HIVEP3: variants seen among roughly 807,000 people sequenced by gnomAD.
HIVEP3 encodes the protein HIVEP zinc finger 3, also known as transcription factor HIVEP3.
HIVEP3 carries 49 observed loss-of-function variants against 152.8 expected under a neutral mutation model. The ratio of observed to expected loss-of-function variants is 0.32; its 90% CI spans 0.26 to 0.41. The LOEUF (loss-of-function observed/expected upper bound fraction) is 0.41, where lower values mean the gene tolerates loss of function less well. Ranked by LOEUF, HIVEP3 falls within the 10% of genes least tolerant of loss-of-function variation. The probability of loss-of-function intolerance (pLI) is 1.00; values close to 1 mark genes in which losing one functional copy is unlikely to be tolerated. For missense variants in HIVEP3, 2,790 were observed against 3,103.3 expected (o/e 0.90, Z 2.40); for synonymous variants, 1,269 against 1,289.0 (o/e 0.98, Z 0.33).
At chr1:41,786,995 G>A (rs370243329) in intron 1 of HIVEP3, among the ~76,000 whole-genome samples, 4 of 151,812 alleles carry the variant, frequency 2.6e-5, no homozygotes, top group Non-Finnish European at 4.4e-5. Flanking sequence ...CAAGTGATCC[G>A]CCCACCTCAG....
chr1:41,962,155 T>G (rs556902989), intron 1 of HIVEP3, among the ~76,000 whole-genome samples: 1 of 152,260 alleles, frequency 6.6e-6, no homozygotes, highest in Non-Finnish European at 1.5e-5. Flanking sequence ...GCCAGAAATA[T>G]AGGAAAATAA....
chr1:41,641,127 A>G (rs1645365430), intron 2 of HIVEP3, among the ~76,000 whole-genome samples: 1 of 152,226 alleles, frequency 6.6e-6, no homozygotes, highest in Non-Finnish European at 1.5e-5. Context: ...TCATCTTCTA[A>G]AATAAGAAGA....
chr1:41,729,523 C>T (rs189261847), intron 1 of HIVEP3, among the ~76,000 whole-genome samples: 415 of 152,292 alleles, frequency 2.7e-3, no homozygotes, highest in African/African-American at 9.6e-3. Flanking sequence ...CCGTCACTGA[C>T]CTTTTTATTC....
chr1:41,957,005 T>A (rs1348172159), intron 1 of HIVEP3, among the ~76,000 whole-genome samples: 1 of 152,226 alleles, frequency 6.6e-6, no homozygotes, highest in Non-Finnish European at 1.5e-5. Flanking sequence ...GTTTATTTTG[T>A]AAATATATGT....
intron 1 of HIVEP3, among the ~76,000 whole-genome samples, chr1:41,966,820 A>G (rs1645201470): frequency 6.6e-6 from 1 of 151,972 alleles, no homozygotes; most frequent in Non-Finnish European, 1.5e-5. Flanking sequence ...ACAGGCAAAG[A>G]CATACATAGG....
intron 3 of HIVEP3, among the ~76,000 whole-genome samples, chr1:41,601,060 C>T (rs975174787): frequency 2.6e-5 from 4 of 152,138 alleles, no homozygotes; most frequent in African/African-American, 9.7e-5. Flanking sequence ...GAAGATCAGT[C>T]AGCATATATA....
intron 1 of HIVEP3, among the ~76,000 whole-genome samples, chr1:41,797,508 T>TA (rs200852048): frequency 2.6e-4 from 39 of 151,294 alleles, no homozygotes; most frequent in East Asian, 1.9e-3. Context: ...TCTTCTTATT[T>TA]AAAAAAAAAT....
In HIVEP3 at chr1:41,512,890, G is replaced by A. The variant is rs371175921; in HGVS notation, c.6331C>T (p.Arg2111Trp). The change falls in exon 8 of 9, where the codon CGG becomes TGG. Residue 2111 changes from arginine to tryptophan, a missense_variant. Arg to Trp is a moderately radical substitution (Grantham distance 101). This residue lies in a region of HIVEP3 where 816 missense variants were observed against 806.5 expected (regional missense o/e 1.01). Coordinates refer to ENST00000372583, the MANE Select transcript of HIVEP3 (RefSeq NM_024503.5). ...AGAGGCGCGGGCGGGAAGAGAACCCGTGGGTCCAGCCCCAAGCCTGGGCCA... is the reference window on the plus strand; with the variant it reads ...AGAGGCGCGGGCGGGAAGAGAACCCATGGGTCCAGCCCCAAGCCTGGGCCA... ...EHGPGLGLDPRVLFPPAPLPH... is the reference protein window; with the variant it reads ...EHGPGLGLDPWVLFPPAPLPH... 1.2e-5 allele frequency: 19 copies of A among 1,570,010 alleles called. No individual in the cohort carries two copies. The highest frequency in any genetic ancestry group is 4.7e-5 in the East Asian group (2 of 42,154).
At chr1:41,760,428 TCACGTC>T (rs1232046797) in intron 1 of HIVEP3, among the ~76,000 whole-genome samples, 1 of 152,238 alleles carries the variant, frequency 6.6e-6, no homozygotes, top group Non-Finnish European at 1.5e-5. Context: ...CCCTTCTCTC[TCACGTC>T]CACAGGTCAA....
intron 1 of HIVEP3, among the ~76,000 whole-genome samples, chr1:41,951,177 A>C (rs1645104631): frequency 6.6e-6 from 1 of 152,226 alleles, no homozygotes; most frequent in African/African-American, 2.4e-5. Flanking sequence ...AGAAGGGGGC[A>C]TTTGAAATGC....
At chr1:41,680,413 A>C (rs74071918) in intron 2 of HIVEP3, among the ~76,000 whole-genome samples, 5,257 of 152,282 alleles carry the variant, frequency 0.035, 132 homozygotes, top group African/African-American at 0.069. Context: ...GTAAGCTTCA[A>C]CCAGAAAGAT....
intron 1 of HIVEP3, among the ~76,000 whole-genome samples, chr1:41,870,393 A>T (rs1428151058): frequency 1.3e-5 from 2 of 152,078 alleles, no homozygotes; most frequent in African/African-American, 4.8e-5. Flanking sequence ...CACACACACA[A>T]TACTGATTTA....
At chr1:41,694,122 A>C (rs770139729) in intron 2 of HIVEP3, among the ~76,000 whole-genome samples, 9 of 152,178 alleles carry the variant, frequency 5.9e-5, no homozygotes, top group Non-Finnish European at 8.8e-5. Flanking sequence ...TTTATAGAAC[A>C]ATTTATAATA....
intron 2 of HIVEP3, among the ~76,000 whole-genome samples, chr1:41,686,323 C>A (rs920621058): frequency 6.6e-6 from 1 of 152,176 alleles, no homozygotes; most frequent in Non-Finnish European, 1.5e-5. Flanking sequence ...ATCCTCCCAC[C>A]TTGGCCTCCC....
chr1:41,526,123 A>G (rs1642896064), intron 5 of HIVEP3, among the ~76,000 whole-genome samples: 1 of 151,948 alleles, frequency 6.6e-6, no homozygotes, highest in Non-Finnish European at 1.5e-5. Context: ...CCCTGCTCCA[A>G]TGGGGCCATC....
upstream of HIVEP3, among the ~76,000 whole-genome samples, chr1:41,923,703 T>C (rs1443377410): frequency 6.6e-6 from 1 of 152,254 alleles, no homozygotes; most frequent in Non-Finnish European, 1.5e-5. Flanking sequence ...CTAATTAGCC[T>C]GATTTGGTCA....
chr1:41,716,170 T>A (rs1050347381), intron 1 of HIVEP3, among the ~76,000 whole-genome samples: 3 of 151,966 alleles, frequency 2.0e-5, no homozygotes, highest in Admixed American at 6.5e-5. Context: ...ACCAGCAAGG[T>A]GGGCAGGAAG....
chr1:41,836,628 T>C (rs1252651388), intron 1 of HIVEP3, among the ~76,000 whole-genome samples: 1 of 152,228 alleles, frequency 6.6e-6, no homozygotes, highest in Non-Finnish European at 1.5e-5. Context: ...CCAAACTTAC[T>C]GGGTCTCAGC....
intron 1 of HIVEP3, among the ~76,000 whole-genome samples, chr1:41,854,365 C>T (rs1246669799): frequency 6.6e-6 from 1 of 152,062 alleles, no homozygotes; most frequent in African/African-American, 2.4e-5. Flanking sequence ...TCAAGTTGGG[C>T]AGGGTTGGCA....
Sources: allele counts gnomAD v4.1 joint callset (sites outside exome capture counted in the v4.1 genomes callset), GRCh38; gene constraint gnomAD v4.1.1; regional missense constraint gnomAD v4.1.1; transcripts MANE v1.5; gene names NCBI Gene and HGNC (gene_info 2026-07-23, HGNC 2026-07-21).